The following MRPL13 variants were observed in gnomAD, a reference collection of about 807,000 sequenced individuals.
MRPL13 encodes the protein large ribosomal subunit protein uL13m.
A neutral mutation model predicts 29.0 loss-of-function variants in MRPL13; 33 were observed. The ratio of observed to expected loss-of-function variants is 1.14; its 90% CI spans 0.86 to 1.52. The LOEUF is 1.52. Ranked by LOEUF, MRPL13 falls within the 40% of genes most tolerant of loss-of-function variation. The pLI is 0.00. For synonymous variants in MRPL13, 77 were observed against 68.4 expected, an observed-to-expected ratio of 1.13 and a Z score of -0.62; for missense variants, 227 against 216.7, an observed-to-expected ratio of 1.05 and a Z score of -0.30.
chr8:120,398,397 TC>T (rs1159241256), intron 6 of MRPL13, among the ~76,000 whole-genome samples: 2 of 151,982 alleles, frequency 1.3e-5, no homozygotes, highest in African/African-American at 4.8e-5. Flanking sequence ...ACTGCAACAG[TC>T]CTACGGAAAA....
At chr8:120,434,192 C>T (rs562453723) in intron 2 of MRPL13, among the ~76,000 whole-genome samples, 229 of 152,072 alleles carry the variant, frequency 1.5e-3, no homozygotes, top group Non-Finnish European at 2.5e-3. Flanking sequence ...AGTCCTACAC[C>T]GCCTCAATGT....
intron 6 of MRPL13, among the ~76,000 whole-genome samples, chr8:120,404,934 A>G (rs981746521): frequency 2.0e-5 from 3 of 152,164 alleles, no homozygotes; most frequent in Non-Finnish European, 4.4e-5. Flanking sequence ...TTATACTCCC[A>G]GCAGCCACGG....
At chr8:120,398,801 G>T (rs928724195) in intron 6 of MRPL13, among the ~76,000 whole-genome samples, 13 of 152,148 alleles carry the variant, frequency 8.5e-5, no homozygotes, top group Non-Finnish European at 1.5e-4. Context: ...AGTTTAGAGA[G>T]GAGCATTACT....
At chr8:120,440,409 C>G (rs541436423) in intron 2 of MRPL13, among the ~76,000 whole-genome samples, 1 of 152,232 alleles carries the variant, frequency 6.6e-6, no homozygotes, top group East Asian at 1.9e-4. Flanking sequence ...GAGTTCCAGA[C>G]CAGCCTGGCA....
At chr8:120,443,618 T>G (rs1229552835) in intron 1 of MRPL13, among the ~76,000 whole-genome samples, 2 of 131,006 alleles carry the variant, frequency 1.5e-5, no homozygotes, top group Non-Finnish European at 3.2e-5. Context: ...ACGGTATGAC[T>G]TTTTTTTTTT....
chr8:120,401,926 G>C (rs1391186033), intron 6 of MRPL13, among the ~76,000 whole-genome samples: 1 of 151,996 alleles, frequency 6.6e-6, no homozygotes, highest in Non-Finnish European at 1.5e-5. Context: ...AAAATACCTA[G>C]GAATACAGCT....
chr8:120,444,826 T>TCCC, intron 1 of MRPL13: 1 of 503,122 alleles, frequency 2.0e-6, no homozygotes, highest in Non-Finnish European at 3.6e-6. Context: ...CTAATCCTCT[T>TCCC]CCCCCCGCCC....
chr8:120,442,584 C>A (rs1813136392), intron 2 of MRPL13, among the ~76,000 whole-genome samples: 1 of 152,092 alleles, frequency 6.6e-6, no homozygotes. Context: ...GACAAGTCAA[C>A]CAGTATGAGG....
At chr8:120,407,176 T>C (rs1167892548) in intron 6 of MRPL13, among the ~76,000 whole-genome samples, 1 of 152,208 alleles carries the variant, frequency 6.6e-6, no homozygotes, top group Non-Finnish European at 1.5e-5. Context: ...AAATTCAGAA[T>C]TCAGAAATGA....
intron 5 of MRPL13, among the ~76,000 whole-genome samples, chr8:120,416,363 G>T (rs185975465): frequency 1.4e-3 from 220 of 152,170 alleles, no homozygotes; most frequent in Non-Finnish European, 2.5e-3. Flanking sequence ...GCGTGGTGGC[G>T]GGTGCCTGTA....
chr8:120,423,306 C>T (rs945243011), intron 4 of MRPL13, among the ~76,000 whole-genome samples: 3 of 151,738 alleles, frequency 2.0e-5, no homozygotes, highest in Non-Finnish European at 4.4e-5. Flanking sequence ...CAACTGTCTA[C>T]TCTTATTATA....
rs569802349 is a variant in MRPL13, at chr8:120,431,919, T to C, written c.245+111A>G. 3 of 733,728 alleles carry C rather than the reference T, an allele frequency of 4.1e-6. No individual in the cohort carries two copies. In the African/African-American group the frequency reaches 5.6e-5, roughly 14 times the overall value. 45.5% of individuals were successfully genotyped at this position (733,728 alleles called of 1,614,324 possible). On this transcript the variant is annotated intron_variant, in intron 3 of 6. Transcript: ENST00000306185. Reference sequence around the variant, plus strand: ...ATATACATGGCATGAGTAAAATTAGTAATAAATGCTGATTTTTAAAAATAT... The same window carrying C: ...ATATACATGGCATGAGTAAAATTAGCAATAAATGCTGATTTTTAAAAATAT...
In MRPL13 at chr8:120,444,148, GA is replaced by G. The variant is rs768079387; in HGVS notation, c.28-841del. Among the ~76,000 whole-genome samples the G allele has an allele frequency of 9.9e-3, 1,496 of 151,158 alleles. 15 individuals are homozygous for G. Among genetic ancestry groups the G allele is most frequent in the Non-Finnish European group, 0.015 (1,007 of 67,800 alleles). On this transcript the variant is annotated intron_variant, in intron 1 of 6. Transcript: ENST00000306185. The stretch of plus-strand genomic sequence containing the variant: ...TTGTAGACTAATAGTTTGATACTTA[GA>G]AAAAAAAAATTTTTAATGAAAAAAA...
At chr8:120,407,243 A>G (rs1001758611) in intron 6 of MRPL13, among the ~76,000 whole-genome samples, 2 of 152,222 alleles carry the variant, frequency 1.3e-5, no homozygotes, top group African/African-American at 2.4e-5. Context: ...ACCTCTTAAC[A>G]TTAGGAAAAA....
intron 3 of MRPL13, among the ~76,000 whole-genome samples, chr8:120,431,519 G>A (rs1346012490): frequency 6.6e-6 from 1 of 152,136 alleles, no homozygotes; most frequent in African/African-American, 2.4e-5. Context: ...GAAATACTAT[G>A]GCCTTGAAGA....
intron 6 of MRPL13, among the ~76,000 whole-genome samples, chr8:120,406,658 T>G (rs938408812): frequency 6.6e-6 from 1 of 150,958 alleles, no homozygotes; most frequent in Non-Finnish European, 1.5e-5. Flanking sequence ...TACTTATATA[T>G]AAAAATATAT....
At chr8:120,405,613 C>A (rs1446864514) in intron 6 of MRPL13, among the ~76,000 whole-genome samples, 1 of 152,136 alleles carries the variant, frequency 6.6e-6, no homozygotes, top group African/African-American at 2.4e-5. Flanking sequence ...CAGAAGGTAA[C>A]ACACATACTT....
At chr8:120,399,246 A>G (rs1812560171) in intron 6 of MRPL13, among the ~76,000 whole-genome samples, 1 of 152,152 alleles carries the variant, frequency 6.6e-6, no homozygotes, top group Non-Finnish European at 1.5e-5. Context: ...AGCCAGAGAG[A>G]AAGGCCAGGT....
intron 6 of MRPL13, among the ~76,000 whole-genome samples, chr8:120,396,843 T>C (rs1563768902): frequency 1.3e-5 from 2 of 152,234 alleles, no homozygotes; most frequent in Non-Finnish European, 2.9e-5. Context: ...TGAAGGAAGT[T>C]GGTAACAAAC....
Sources: allele counts gnomAD v4.1 joint callset (sites outside exome capture counted in the v4.1 genomes callset), GRCh38; gene constraint gnomAD v4.1.1; transcripts MANE v1.5; gene names NCBI Gene and HGNC (gene_info 2026-07-23, HGNC 2026-07-21).